Variants in MAPK10 observed in about 807,000 individuals in gnomAD.
MAPK10 encodes JNK3 alpha protein kinase.
In MAPK10, 25 loss-of-function variants were observed where a neutral mutation model predicts 59.3. The observed-to-expected ratio is 0.42, with a 90% CI of 0.31 to 0.59. The LOEUF is 0.59. Among genes scored for constraint, MAPK10 ranks in the 20% least tolerant of loss-of-function variants. The probability of loss-of-function intolerance (pLI) is 0.15; values close to 1 mark genes in which losing one functional copy is unlikely to be tolerated. For missense variants in MAPK10, 351 were observed against 568.9 expected (o/e 0.62, Z 3.90); for synonymous variants, 190 against 200.5 (o/e 0.95, Z 0.44).
At chr4:86,446,031 TAATAGA>T (rs1749993451) in intron 1 of MAPK10, among the ~76,000 whole-genome samples, 2 of 152,134 alleles carry the variant, frequency 1.3e-5, no homozygotes, top group African/African-American at 4.8e-5. Context: ...TTCAAAATAA[TAATAGA>T]AATAATGTAT....
chr4:86,047,212 T>C (rs1351750430), intron 11 of MAPK10, among the ~76,000 whole-genome samples: 2 of 152,176 alleles, frequency 1.3e-5, no homozygotes, highest in Middle Eastern at 3.4e-3. Flanking sequence ...TACACACGAA[T>C]GTGTGTTACA....
chr4:86,019,710 T>G (rs1745370401), intron 13 of MAPK10, among the ~76,000 whole-genome samples: 1 of 152,186 alleles, frequency 6.6e-6, no homozygotes. Context: ...TCTCTTCCAT[T>G]TATCCACACT....
chr4:86,148,921 T>C (rs1328549213), intron 4 of MAPK10, among the ~76,000 whole-genome samples: 1 of 152,042 alleles, frequency 6.6e-6, no homozygotes, highest in Non-Finnish European at 1.5e-5. Flanking sequence ...AAAATACAAA[T>C]ATTTGAAGGG....
intron 1 of MAPK10, among the ~76,000 whole-genome samples, chr4:86,461,465 A>G (rs1427607875): frequency 6.6e-6 from 1 of 152,190 alleles, no homozygotes; most frequent in Admixed American, 6.5e-5. Flanking sequence ...CTGTAATTCC[A>G]GCACTTTGGG....
intron 9 of MAPK10, among the ~76,000 whole-genome samples, chr4:86,072,407 T>C (rs948793044): frequency 6.8e-6 from 1 of 146,740 alleles, no homozygotes. Context: ...CTAATTGCCC[T>C]GGCCAGAACT....
rs189241868 is a variant in MAPK10, at chr4:86,201,826, T to C, written c.-6-7419A>G. ...TTTAAATCGTCTTTTTCTTCTTCTT[T>C]TTTTAGTGATTGTTCTAGAGTTAAC... is the stretch of plus-strand genomic sequence containing the variant. On this transcript the variant is annotated intron_variant, in intron 2 of 13. Coordinates refer to ENST00000641462, the MANE Select transcript of MAPK10 (RefSeq NM_138982.4). Among the ~76,000 whole-genome samples the C allele has an allele frequency of 3.2e-3, 481 of 151,978 alleles. 2 individuals are homozygous for C. The highest frequency in any genetic ancestry group is 0.011 in the African/African-American group (444 of 41,536).
chr4:86,571,773 A>G (rs1274203081), intron 1 of MAPK10, among the ~76,000 whole-genome samples: 1 of 152,230 alleles, frequency 6.6e-6, no homozygotes, highest in Middle Eastern at 3.4e-3. Flanking sequence ...AATTGAATTT[A>G]CTTGTCTATG....
chr4:86,433,493 C>G (rs1357785672), intron 1 of MAPK10, among the ~76,000 whole-genome samples: 1 of 149,782 alleles, frequency 6.7e-6, no homozygotes, highest in Non-Finnish European at 1.5e-5. Context: ...TCTTGCTTAA[C>G]TTTTTTCCTC....
intron 1 of MAPK10, among the ~76,000 whole-genome samples, chr4:86,564,130 C>A (rs187541755): frequency 4.5e-4 from 69 of 152,328 alleles, no homozygotes; most frequent in Non-Finnish European, 9.3e-4. Context: ...CCACGCCTGG[C>A]CCAAAACTTA....
chr4:86,459,832 T>C (rs1030348311), intron 1 of MAPK10, among the ~76,000 whole-genome samples: 2 of 151,912 alleles, frequency 1.3e-5, no homozygotes, highest in African/African-American at 4.8e-5. Context: ...GCTCGGGTGA[T>C]GGGTGCACCA....
chr4:86,181,940 G>GT (rs1341477672), intron 3 of MAPK10, among the ~76,000 whole-genome samples: 1 of 152,032 alleles, frequency 6.6e-6, no homozygotes, highest in African/African-American at 2.4e-5. Flanking sequence ...ACTTTCATGA[G>GT]TTTTTTAAAT....
chr4:86,426,241 T>G (rs1326123907), intron 1 of MAPK10, among the ~76,000 whole-genome samples: 1 of 152,240 alleles, frequency 6.6e-6, no homozygotes, highest in African/African-American at 2.4e-5. Flanking sequence ...AATGTTATTT[T>G]TATTATAATC....
At chr4:86,545,785 G>T (rs1759101964) in intron 1 of MAPK10, among the ~76,000 whole-genome samples, 1 of 152,156 alleles carries the variant, frequency 6.6e-6, no homozygotes, top group Non-Finnish European at 1.5e-5. Context: ...TTGTCTTAGT[G>T]CCTAAATATA....
chr4:86,590,284 C>A (rs1364937894), intron 1 of MAPK10, among the ~76,000 whole-genome samples: 2 of 152,116 alleles, frequency 1.3e-5, no homozygotes, highest in African/African-American at 4.8e-5. Context: ...TACACATCAT[C>A]CCGCCCTTTG....
chr4:86,129,089 A>G (rs112191208), intron 4 of MAPK10, among the ~76,000 whole-genome samples: 2 of 152,138 alleles, frequency 1.3e-5, no homozygotes, highest in Non-Finnish European at 2.9e-5. Flanking sequence ...TGATAGAAAA[A>G]TAATTTCATG....
chr4:86,452,392 AATT>A (rs768396051), intron 1 of MAPK10, among the ~76,000 whole-genome samples: 17 of 152,208 alleles, frequency 1.1e-4, no homozygotes, highest in Non-Finnish European at 2.5e-4. Context: ...AAGAGAGAGA[AATT>A]ATTGTAGGCA....
intron 4 of MAPK10, among the ~76,000 whole-genome samples, chr4:86,151,683 G>A (rs1016773244): frequency 6.6e-6 from 1 of 152,158 alleles, no homozygotes. Context: ...GAACAGGGAT[G>A]CCTTGAAAGA....
intron 2 of MAPK10, among the ~76,000 whole-genome samples, chr4:86,267,252 A>G (rs2148760926): frequency 6.6e-6 from 1 of 152,306 alleles, no homozygotes; most frequent in African/African-American, 2.4e-5. Context: ...GCCTTCCTTC[A>G]GGTTTGTAAA....
At chr4:86,419,635 G>A (rs1746265535) in intron 1 of MAPK10, among the ~76,000 whole-genome samples, 3 of 151,954 alleles carry the variant, frequency 2.0e-5, no homozygotes, top group Admixed American at 6.6e-5. Context: ...CACCAATATC[G>A]ATGAATGATT....
Sources: allele counts gnomAD v4.1 joint callset (sites outside exome capture counted in the v4.1 genomes callset), GRCh38; gene constraint gnomAD v4.1.1; transcripts MANE v1.5; gene names NCBI Gene and HGNC (gene_info 2026-07-23, HGNC 2026-07-21).